The following RUBCNL variants were observed in gnomAD, a reference collection of about 807,000 sequenced individuals.
The protein encoded by RUBCNL is protein associated with UVRAG as autophagy enhancer.
Under a neutral mutation model 69.5 loss-of-function variants are expected in RUBCNL, and 62 were observed. That is an observed-to-expected ratio of 0.89 (90% CI 0.73 to 1.10). The LOEUF is 1.10. RUBCNL is among the 50% of genes least tolerant of loss of function. The pLI is 0.00. For synonymous variants in RUBCNL, 291 were observed against 303.6 expected (o/e 0.96, Z 0.43); for missense variants, 768 against 798.1 (o/e 0.96, Z 0.45).
intron 3 of RUBCNL, among the ~76,000 whole-genome samples, chr13:46,369,376 G>A (rs1008053062): frequency 6.6e-6 from 1 of 152,028 alleles, no homozygotes; most frequent in African/African-American, 2.4e-5. Flanking sequence ...ATGACCAGCT[G>A]ATTTTCTAAA....
At chr13:46,353,732 T>C (rs1350426075) in intron 10 of RUBCNL, among the ~76,000 whole-genome samples, 1 of 152,070 alleles carries the variant, frequency 6.6e-6, no homozygotes, top group Admixed American at 6.5e-5. Flanking sequence ...CATCAGGGGG[T>C]TGGGTGGAAG....
At position 46,345,609 on chromosome 13, in the gene RUBCNL, G is replaced by C; in HGVS notation, c.1632-9C>G. ...CGAACTCCTTTAATGCACTGCCAGA[G>C]AGGAAACAAAGAGGAATTCAGAAAC... On this transcript the variant is annotated splice_polypyrimidine_tract_variant and intron_variant, in intron 12 of 14. Transcript: ENST00000429979. 1 of 1,613,096 alleles carries C rather than the reference G, an allele frequency of 6.2e-7. No homozygotes were observed. The highest frequency in any genetic ancestry group is 8.5e-7 in the Non-Finnish European group (1 of 1,179,524).
At chr13:46,371,210 A>G (rs1227138283) in intron 3 of RUBCNL, among the ~76,000 whole-genome samples, 4 of 152,236 alleles carry the variant, frequency 2.6e-5, no homozygotes, top group Non-Finnish European at 5.9e-5. Flanking sequence ...TTTGAAAGAA[A>G]AAGCTTCATT....
intron 2 of RUBCNL, among the ~76,000 whole-genome samples, chr13:46,373,666 G>A (rs996931046): frequency 2.6e-5 from 4 of 152,230 alleles, no homozygotes; most frequent in African/African-American, 9.6e-5. Context: ...ACAGCAAAAA[G>A]CAAGAAGAGA....
rs2048113190 is a variant in RUBCNL, at chr13:46,337,738, GTTACAC to G, written c.*5641_*5646del. 2.0e-5 allele frequency among the ~76,000 whole-genome samples: 3 copies of G among 152,152 alleles called. No homozygotes were observed. On this transcript the variant is annotated 3_prime_UTR_variant, in exon 15 of 15. Coordinates refer to ENST00000429979, the MANE Select transcript of RUBCNL (RefSeq NM_025113.5). ...TCTTATGTTAGTCAGAGTAGGGTGG[GTTACAC>G]TGTAGGAACCAGCCCCACAAAAATC...
chr13:46,364,019 T>C (rs1290789704), intron 5 of RUBCNL, among the ~76,000 whole-genome samples: 3 of 151,804 alleles, frequency 2.0e-5, no homozygotes, highest in East Asian at 1.9e-4. Flanking sequence ...TGTAAAACTG[T>C]CTTCATTTGA....
chr13:46,375,244 G>GAC (rs2048963811), intron 2 of RUBCNL, among the ~76,000 whole-genome samples: 1 of 152,046 alleles, frequency 6.6e-6, no homozygotes, highest in South Asian at 2.1e-4. Context: ...TTAAGAGCTA[G>GAC]AGAAAAGACC....
intron 10 of RUBCNL, among the ~76,000 whole-genome samples, 161 bp downstream of exon 10, chr13:46,356,271 A>G (rs1250957622): frequency 6.6e-6 from 1 of 152,220 alleles, no homozygotes; most frequent in Non-Finnish European, 1.5e-5. Flanking sequence ...CAGCCTTGTC[A>G]GTCATGATGG....
chr13:46,388,692 C>T (rs1336087951), upstream of RUBCNL, among the ~76,000 whole-genome samples: 1 of 152,306 alleles, frequency 6.6e-6, no homozygotes, highest in Non-Finnish European at 1.5e-5. Flanking sequence ...TTAGAAGATT[C>T]CCTGCTGCAT....
chr13:46,369,618 T>C (rs1378845332), intron 3 of RUBCNL, among the ~76,000 whole-genome samples: 1 of 152,194 alleles, frequency 6.6e-6, no homozygotes, highest in Non-Finnish European at 1.5e-5. Flanking sequence ...CTGCAGAAGG[T>C]ACATTCTGCT....
intron 1 of RUBCNL, among the ~76,000 whole-genome samples, chr13:46,386,784 G>A (rs2049257299): frequency 6.6e-6 from 1 of 152,182 alleles, no homozygotes; most frequent in Admixed American, 6.5e-5. Flanking sequence ...CGCCTGGGAG[G>A]ACGCAGGGCG....
intron 10 of RUBCNL, chr13:46,354,680 T>A: frequency 2.3e-6 from 1 of 427,552 alleles, no homozygotes; most frequent in Non-Finnish European, 4.8e-6. Context: ...CTTCTCAAGC[T>A]CAGATGAAGT....
At chr13:46,348,760 C>T (rs149257519) in intron 12 of RUBCNL, among the ~76,000 whole-genome samples, 54 of 152,146 alleles carry the variant, frequency 3.5e-4, no homozygotes, top group African/African-American at 1.1e-3. Flanking sequence ...TGCAGCACCA[C>T]GCCTAGCTAA....
chr13:46,348,905 C>A lies in RUBCNL; in HGVS notation c.1631+381G>T, dbSNP rs146479072. ...GTGTGAGCCACCGTGCCTGGCTGAT[C>A]TGATGGCTTTATAAAGGAGAGTTCC... On this transcript the variant is annotated intron_variant, in intron 12 of 14. Coordinates refer to ENST00000429979, the MANE Select transcript of RUBCNL (RefSeq NM_025113.5). 2.0e-5 allele frequency among the ~76,000 whole-genome samples: 3 copies of A among 152,166 alleles called. No individual in the cohort carries two copies. In the East Asian group the frequency reaches 5.8e-4, roughly 29 times the overall value.
Position 46,350,117 on chromosome 13 carries a change from ACT to A in RUBCNL, c.1563_1564del (p.Arg521SerfsTer19). ...GGGGTTGGGGCTGCGGCTCACCTTC[ACT>A]CTGTCCAGCTCCTTGGCTTTCGCAT... is the stretch of plus-strand genomic sequence containing the variant. On this transcript the variant is annotated frameshift_variant, in exon 11 of 15. Coordinates refer to ENST00000429979, the MANE Select transcript of RUBCNL (RefSeq NM_025113.5). LOFTEE classifies it high-confidence loss of function. The A allele has an allele frequency of 1.3e-6, 2 of 1,556,798 alleles. No individual in the cohort carries two copies. The highest frequency in any genetic ancestry group is 1.7e-6 in the Non-Finnish European group (2 of 1,147,816).
chr13:46,339,950 GT>G lies in RUBCNL; in HGVS notation c.*3434del. On this transcript the variant is annotated 3_prime_UTR_variant, in exon 15 of 15. Transcript: ENST00000429979. Reference sequence around the variant, plus strand: ...AATGTCAGAAGTTTGAAATCAAGGGGTCAGCCATGTTGGGTTTTTTTTTTAA... The same window carrying G: ...AATGTCAGAAGTTTGAAATCAAGGGGCAGCCATGTTGGGTTTTTTTTTTAA... 6.6e-6 allele frequency among the ~76,000 whole-genome samples: 1 copy of G among 151,966 alleles called. No individual in the cohort carries two copies. The highest frequency in any genetic ancestry group is 2.1e-4 in the South Asian group (1 of 4,818).
chr13:46,351,483 T>C (rs962245635), intron 10 of RUBCNL, among the ~76,000 whole-genome samples: 1 of 152,170 alleles, frequency 6.6e-6, no homozygotes, highest in Non-Finnish European at 1.5e-5. Context: ...CTGCTTCTGT[T>C]ACTCCATCAG....
upstream of RUBCNL, chr13:46,387,577 CCA>C (rs2049280739): frequency 2.0e-6 from 2 of 985,460 alleles, no homozygotes; most frequent in South Asian, 9.4e-5. Context: ...CTTCCCAACC[CCA>C]GATGCCCCCA....
At chr13:46,362,498 GCCCAAGGGTCTA>G in intron 7 of RUBCNL, 28 bp downstream of exon 7, 1 of 1,452,290 alleles carries the variant, frequency 6.9e-7, no homozygotes, top group Non-Finnish European at 9.5e-7. Flanking sequence ...AGAGGTGACA[GCCCAAGGGTCTA>G]TGTGCACTGT....
Sources: allele counts gnomAD v4.1 joint callset (sites outside exome capture counted in the v4.1 genomes callset), GRCh38; gene constraint gnomAD v4.1.1; transcripts MANE v1.5; gene names NCBI Gene and HGNC (gene_info 2026-07-23, HGNC 2026-07-21).